The following PATJ variants were observed in gnomAD, a reference collection of about 807,000 sequenced individuals.
PATJ encodes the protein inaD-like protein.
PATJ carries 190 observed loss-of-function variants against 224.9 expected under a neutral mutation model. That is an observed-to-expected ratio of 0.84 (90% CI 0.75 to 0.95). PATJ has a LOEUF of 0.95. Among genes scored for constraint, PATJ ranks in the 40% least tolerant of loss-of-function variants. PATJ has a pLI of 0.00. For missense variants in PATJ, 2,121 were observed against 2,270.3 expected (o/e 0.93, Z 1.34); for synonymous variants, 769 against 820.3 (o/e 0.94, Z 1.07).
Position 61,908,591 on chromosome 1 carries a change from T to G in PATJ, c.3492+109T>G, listed in dbSNP as rs11808501. The G allele has an allele frequency of 6.6e-3, 4,585 of 695,192 alleles. 173 individuals carry two copies. In the African/African-American group the frequency reaches 0.074, roughly 11 times the overall value. The allele number at this position is 695,192 out of a possible 1,614,324, so 43.1% of individuals were successfully genotyped here. On this transcript the variant is annotated intron_variant, in intron 25 of 43. Coordinates refer to ENST00000642238, the MANE Select transcript of PATJ (RefSeq NM_001350145.3). Reference sequence around the variant, plus strand: ...CATATTTTCATTGTAGTTCCCAAACTATATTTAAAGTATGAGCTTCATAAA... The same window carrying G: ...CATATTTTCATTGTAGTTCCCAAACGATATTTAAAGTATGAGCTTCATAAA...
In PATJ at chr1:61,777,703, C is replaced by CTTTTTTTTT. The variant is rs66470863; in HGVS notation, c.849+2385_849+2393dup. ...TTCTTCCTTTTTTCTTTCTTTCTTTCTTTTTTTTTTTTTTTTTTTTTTTTA... is the reference window on the plus strand; with the variant it reads ...TTCTTCCTTTTTTCTTTCTTTCTTTCTTTTTTTTTTTTTTTTTTTTTTTTTTTTTTTTTA... On this transcript the variant is annotated intron_variant, in intron 7 of 43. Transcript: ENST00000642238. Among the ~76,000 whole-genome samples, 36 of 48,744 alleles carry CTTTTTTTTT rather than the reference C, an allele frequency of 7.4e-4. 2 individuals are homozygous for CTTTTTTTTT. The highest frequency in any genetic ancestry group is 2.0e-3 in the South Asian group (2 of 982). 32.0% of individuals were successfully genotyped at this position (48,744 alleles called of 152,430 possible). A position where few individuals can be genotyped will look rare whatever the true frequency, so the allele number is the denominator to read the frequency against.
intron 22 of PATJ, among the ~76,000 whole-genome samples, chr1:61,896,743 CAT>C (rs1210003153): frequency 6.6e-6 from 1 of 152,124 alleles, no homozygotes; most frequent in Non-Finnish European, 1.5e-5. Flanking sequence ...GAAGTTTTCA[CAT>C]GTTGTTCTCA....
chr1:61,754,111 T>G (rs1645485552), intron 1 of PATJ, among the ~76,000 whole-genome samples: 1 of 152,212 alleles, frequency 6.6e-6, no homozygotes, highest in South Asian at 2.1e-4. Flanking sequence ...CTCTGGAGGC[T>G]GTCCAACTAT....
At chr1:61,840,471 G>A (rs1660900923) in intron 17 of PATJ, among the ~76,000 whole-genome samples, 4 of 151,490 alleles carry the variant, frequency 2.6e-5, no homozygotes, top group Admixed American at 2.6e-4. Flanking sequence ...TATATACATG[G>A]TTATATAAGT....
chr1:62,048,294 C>T (rs1323056606), intron 30 of PATJ, among the ~76,000 whole-genome samples: 1 of 151,726 alleles, frequency 6.6e-6, no homozygotes, highest in Non-Finnish European at 1.5e-5. Context: ...CACTGTAATC[C>T]CAGCACTCTG....
chr1:61,791,936 C>A (rs140312510), intron 9 of PATJ, among the ~76,000 whole-genome samples: 7 of 152,232 alleles, frequency 4.6e-5, no homozygotes, highest in South Asian at 2.1e-4. Flanking sequence ...GTATCCCTGA[C>A]TAAAACTCTC....
intron 1 of PATJ, among the ~76,000 whole-genome samples, chr1:61,745,884 G>A (rs1168364231): frequency 1.3e-5 from 2 of 151,804 alleles, no homozygotes; most frequent in Non-Finnish European, 2.9e-5. Flanking sequence ...GATTACAGGC[G>A]TGAACCACCG....
At chr1:62,035,214 T>C (rs1023527965) in intron 29 of PATJ, among the ~76,000 whole-genome samples, 4 of 152,214 alleles carry the variant, frequency 2.6e-5, no homozygotes, top group Non-Finnish European at 5.9e-5. Context: ...CTTAACATAA[T>C]AGTGTCTGCT....
At chr1:62,091,842 G>A (rs1660774122) in intron 33 of PATJ, among the ~76,000 whole-genome samples, 1 of 152,084 alleles carries the variant, frequency 6.6e-6, no homozygotes, top group Admixed American at 6.6e-5. Context: ...GATCACCAGA[G>A]GTCAGGAGTT....
intron 10 of PATJ, 78 bp downstream of exon 10, chr1:61,795,636 G>A: frequency 4.9e-6 from 4 of 812,374 alleles, no homozygotes; most frequent in South Asian, 4.9e-5. Context: ...ATGTGAGAGG[G>A]GGAATAGCTT....
chr1:61,903,571 C>T (rs1403109958), intron 24 of PATJ, among the ~76,000 whole-genome samples: 1 of 152,018 alleles, frequency 6.6e-6, no homozygotes, highest in African/African-American at 2.4e-5. Context: ...GTTTGTCCCC[C>T]ACTGTGATTA....
intron 27 of PATJ, chr1:61,952,293 GGTCGTCAGA>G: frequency 7.5e-6 from 3 of 401,086 alleles, no homozygotes; most frequent in Non-Finnish European, 1.4e-5. Flanking sequence ...ATAGGCCCAA[GGTCGTCAGA>G]AGAGAGAGGA....
intron 33 of PATJ, among the ~76,000 whole-genome samples, chr1:62,090,800 T>C (rs1386748708): frequency 6.6e-6 from 1 of 152,148 alleles, no homozygotes. Context: ...TTTCTGATGT[T>C]TGCATCGTAT....
chr1:62,145,105 G>A (rs1282300389), intron 41 of PATJ, among the ~76,000 whole-genome samples: 5 of 152,018 alleles, frequency 3.3e-5, no homozygotes, highest in Admixed American at 3.3e-4. Flanking sequence ...GCGAGCCACC[G>A]TGCACAGCCT....
intron 41 of PATJ, among the ~76,000 whole-genome samples, chr1:62,143,261 C>T (rs1259524951): frequency 6.6e-6 from 1 of 152,046 alleles, no homozygotes; most frequent in Non-Finnish European, 1.5e-5. Flanking sequence ...CAGTATATTT[C>T]TAACTTGGCA....
intron 26 of PATJ, among the ~76,000 whole-genome samples, chr1:61,923,136 T>G (rs1024097883): frequency 6.6e-6 from 1 of 152,242 alleles, no homozygotes; most frequent in Non-Finnish European, 1.5e-5. Context: ...GAGTTATTTG[T>G]CACAAAGAAA....
At chr1:62,010,167 G>A (rs776886718) in intron 28 of PATJ, among the ~76,000 whole-genome samples, 58 of 151,350 alleles carry the variant, frequency 3.8e-4, no homozygotes, top group Non-Finnish European at 6.2e-4. Flanking sequence ...AAGTCTGATC[G>A]TGAGATTGTA....
At chr1:61,934,379 G>A (rs995199275) in intron 27 of PATJ, among the ~76,000 whole-genome samples, 1 of 152,066 alleles carries the variant, frequency 6.6e-6, no homozygotes, top group Non-Finnish European at 1.5e-5. Flanking sequence ...TGGCCTCCCA[G>A]AGTGCTGGGA....
chr1:62,066,541 A>ACCTGGCCC (rs1570420084), intron 31 of PATJ, among the ~76,000 whole-genome samples: 1 of 151,922 alleles, frequency 6.6e-6, no homozygotes, highest in East Asian at 1.9e-4. Context: ...GAGACACCAC[A>ACCTGGCCC]CCTGGCCTGT....
Sources: gnomAD v4.1 joint callset for allele counts (sites outside exome capture counted in the v4.1 genomes callset) on GRCh38, gnomAD v4.1.1 for gene constraint, MANE v1.5 for transcripts, NCBI Gene and HGNC (gene_info 2026-07-23, HGNC 2026-07-21) for gene names.